The following CD86 variants were observed in gnomAD, a reference collection of about 807,000 sequenced individuals.
CD86 encodes the protein CD86 molecule.
CD86 carries 11 observed loss-of-function variants against 32.1 expected under a neutral mutation model. The observed-to-expected ratio is 0.34, with a 90% CI of 0.22 to 0.57. CD86 has a LOEUF of 0.57. CD86 is among the 20% of genes least tolerant of loss of function. The pLI is 0.86. For missense variants in CD86, 359 were observed against 398.4 expected, an observed-to-expected ratio of 0.90 and a Z score of 0.84; for synonymous variants, 137 against 135.3, an observed-to-expected ratio of 1.01 and a Z score of -0.09.
At position 122,079,757 on chromosome 3, in the gene CD86, A is replaced by G. The variant is rs544890306; in HGVS notation, c.15-11844A>G. ...CATTTTGAATATGTGTGGAGGAAGA[A>G]AAGTGTGTCTTCAGCACTTTCCACC... On this transcript the variant is annotated intron_variant, in intron 1 of 6. Coordinates refer to ENST00000330540, the MANE Select transcript of CD86 (RefSeq NM_175862.5). 7.9e-5 allele frequency among the ~76,000 whole-genome samples: 12 copies of G among 152,310 alleles called. No homozygotes were observed. In the South Asian group the frequency reaches 2.5e-3, roughly 32 times the overall value.
At chr3:122,085,165 A>AAATG (rs2072696549) in intron 1 of CD86, among the ~76,000 whole-genome samples, 1 of 152,240 alleles carries the variant, frequency 6.6e-6, no homozygotes, top group Non-Finnish European at 1.5e-5. Context: ...AACCAATAGC[A>AAATG]AATGAATGAA....
At chr3:122,083,648 T>C (rs952842229) in intron 1 of CD86, among the ~76,000 whole-genome samples, 1 of 152,168 alleles carries the variant, frequency 6.6e-6, no homozygotes, top group African/African-American at 2.4e-5. Flanking sequence ...ATGCCATCAA[T>C]TGATATCACC....
rs531970919 is a variant in CD86, at chr3:122,088,635, C to T, written c.15-2966C>T. Among the ~76,000 whole-genome samples, 117 of 152,254 alleles carry T rather than the reference C, an allele frequency of 7.7e-4. 2 individuals carry two copies. Among genetic ancestry groups the T allele is most frequent in the Non-Finnish European group, 1.5e-3 (103 of 68,004 alleles). On this transcript the variant is annotated intron_variant, in intron 1 of 6. Transcript: ENST00000330540. ...TCCTGTGAGCTTCCTCATACTAAAT[C>T]ACCAACAGCAACCTACTTATCACAG...
At chr3:122,091,526 G>A in intron 1 of CD86, 75 bp from the exon 2 acceptor site, 1 of 1,174,674 alleles carries the variant, frequency 8.5e-7, no homozygotes, top group Non-Finnish European at 1.3e-6. Context: ...TCCACGTCCA[G>A]GTCATGTTTT....
In CD86 at chr3:122,103,664, G is replaced by C. The variant is rs769924675; in HGVS notation, c.217G>C (p.Glu73Gln). The C allele has an allele frequency of 6.4e-5, 103 of 1,613,974 alleles. No individual in the cohort carries two copies. The South Asian group carries it at 1.1e-3, about 17-fold the overall frequency. ...TCTGAATGAGGTATACTTAGGCAAA[G>C]AGAAATTTGACAGTGTTCATTCCAA... ...LVLNEVYLGKEKFDSVHSKYM... is the reference protein window; with the variant it reads ...LVLNEVYLGKQKFDSVHSKYM... The change falls in exon 3 of 7, where the codon GAG becomes CAG. Residue 73 changes from glutamate to glutamine, a missense_variant. Transcript: ENST00000330540.
intron 2 of CD86, among the ~76,000 whole-genome samples, chr3:122,098,171 A>G (rs911805448): frequency 2.6e-5 from 4 of 152,184 alleles, no homozygotes; most frequent in Admixed American, 6.5e-5. Context: ...ATAACCAAAC[A>G]TACCGTGTCA....
At chr3:122,079,584 AGTATTTGTGGGGTG>A (rs145118090) in intron 1 of CD86, among the ~76,000 whole-genome samples, 1,852 of 152,226 alleles carry the variant, frequency 0.012, 47 homozygotes, top group African/African-American at 0.042. Flanking sequence ...GGCAGGTAAG[AGTATTTGTGGGGTG>A]GGAGAAAGGA....
intron 5 of CD86, among the ~76,000 whole-genome samples, chr3:122,113,961 G>A (rs191445933): frequency 6.6e-6 from 1 of 152,206 alleles, no homozygotes; most frequent in Non-Finnish European, 1.5e-5. Flanking sequence ...CAATTAAAAG[G>A]TCTTTTAGGC....
At chr3:122,107,681 G>A (rs557683193) in intron 4 of CD86, among the ~76,000 whole-genome samples, 1 of 152,166 alleles carries the variant, frequency 6.6e-6, no homozygotes, top group South Asian at 2.1e-4. Context: ...TGATTTCTTG[G>A]CTTGCCCCCT....
chr3:122,118,176 TA>T, intron 6 of CD86, 83 bp downstream of exon 6: 1 of 1,155,284 alleles, frequency 8.7e-7, no homozygotes, highest in Non-Finnish European at 1.3e-6. Context: ...ATGCCTAACA[TA>T]TGTTGAGACC....
At chr3:122,077,759 T>C in intron 1 of CD86, 1 of 985,430 alleles carries the variant, frequency 1.0e-6, no homozygotes, top group Non-Finnish European at 1.2e-6. Context: ...GTCATTCTCA[T>C]CAGTGGAAAT....
chr3:122,116,973 G>A (rs1026443204), intron 5 of CD86, among the ~76,000 whole-genome samples: 5 of 152,072 alleles, frequency 3.3e-5, no homozygotes, highest in African/African-American at 9.7e-5. Context: ...ATATATATTC[G>A]TTAAAATCAC....
intron 1 of CD86, among the ~76,000 whole-genome samples, chr3:122,057,235 C>T (rs1245577595): frequency 1.3e-5 from 2 of 152,148 alleles, no homozygotes; most frequent in African/African-American, 4.8e-5. Context: ...TTTAACCAAG[C>T]AATTCACCTT....
At chr3:122,083,814 A>T (rs751250686) in intron 1 of CD86, among the ~76,000 whole-genome samples, 21 of 152,224 alleles carry the variant, frequency 1.4e-4, no homozygotes, top group Non-Finnish European at 2.9e-4. Context: ...CAAAAAATTT[A>T]AAATATTCGT....
At chr3:122,069,308 A>T (rs1044091398) in intron 1 of CD86, among the ~76,000 whole-genome samples, 1 of 152,188 alleles carries the variant, frequency 6.6e-6, no homozygotes, top group African/African-American at 2.4e-5. Context: ...AGAAATTCCA[A>T]ATTGTGCAAT....
intron 1 of CD86, among the ~76,000 whole-genome samples, chr3:122,059,929 C>T (rs1019299336): frequency 1.3e-5 from 2 of 152,096 alleles, no homozygotes; most frequent in African/African-American, 2.4e-5. Flanking sequence ...GAGAAAGGCT[C>T]GCAACAGATT....
chr3:122,114,918 T>G (rs1576788794), intron 5 of CD86, among the ~76,000 whole-genome samples: 1 of 152,192 alleles, frequency 6.6e-6, no homozygotes, highest in East Asian at 1.9e-4. Context: ...AGCATAATAT[T>G]TCATGATAGA....
intron 5 of CD86, among the ~76,000 whole-genome samples, chr3:122,112,344 G>C (rs1040283887): frequency 4.6e-5 from 7 of 151,572 alleles, no homozygotes; most frequent in Admixed American, 2.0e-4. Context: ...GTGAGACAGA[G>C]CCTCACTCTG....
At chr3:122,101,506 AAAAAAAAATATATAT>A (rs1462588767) in intron 2 of CD86, among the ~76,000 whole-genome samples, 133 of 57,176 alleles carry the variant, frequency 2.3e-3, no homozygotes, top group Middle Eastern at 6.3e-3. Flanking sequence ...AAAAAAAAAA[AAAAAAAAATATATAT>A]ATATATATAT....
Sources: gnomAD v4.1 joint callset for allele counts (sites outside exome capture counted in the v4.1 genomes callset) on GRCh38, gnomAD v4.1.1 for gene constraint, MANE v1.5 for transcripts, NCBI Gene and HGNC (gene_info 2026-07-23, HGNC 2026-07-21) for gene names.